The following ANO2 variants were observed in gnomAD, a reference collection of about 807,000 sequenced individuals.
ANO2 encodes anoctamin 2.
A neutral mutation model predicts 124.2 loss-of-function variants in ANO2; 101 were observed. That is an observed-to-expected ratio of 0.81 (90% CI 0.69 to 0.96). The LOEUF (loss-of-function observed/expected upper bound fraction) is 0.96, where lower values mean the gene tolerates loss of function less well. Among genes scored for constraint, ANO2 ranks in the 40% least tolerant of loss-of-function variants. The pLI, the probability that ANO2 is intolerant of heterozygous loss-of-function variation, is 0.00. For synonymous variants in ANO2, 486 were observed against 482.5 expected, an observed-to-expected ratio of 1.01 and a Z score of -0.09; for missense variants, 1,293 against 1,274.5, an observed-to-expected ratio of 1.01 and a Z score of -0.22.
Position 5,578,425 on chromosome 12 carries a change from T to A in ANO2, c.2327A>T (p.Asp776Val), listed in dbSNP as rs1942548865. Residue 776 changes from aspartate (D) to valine (V), a missense_variant, in exon 21 of 25, where the codon GAT becomes GTT. Asp to Val is a radical substitution (Grantham distance 152, BLOSUM62 -3). Coordinates refer to ENST00000682330, the MANE Select transcript of ANO2 (RefSeq NM_001364791.2). ...LLNNVIEVRLDAKKFVTELRR... is the reference protein window; with the variant it reads ...LLNNVIEVRLVAKKFVTELRR... ...CAGCTCTGTAACAAACTTCTTTGCA[T>A]CGAGCCGCACTTCAATGACGTTGTT... is the stretch of plus-strand genomic sequence containing the variant. 6.2e-7 allele frequency: 1 copy of A among 1,613,842 alleles called. No homozygotes were observed. Among genetic ancestry groups the A allele is most frequent in the Admixed American group, 1.7e-5 (1 of 59,998 alleles).
intron 20 of ANO2, among the ~76,000 whole-genome samples, chr12:5,583,640 G>A (rs576609953): frequency 6.0e-5 from 7 of 116,498 alleles, no homozygotes; most frequent in Admixed American, 3.6e-4. Context: ...GCTAAAGAGC[G>A]GGACTCCGTC....
chr12:5,787,906 C>T lies in ANO2; in HGVS notation c.1055+11601G>A, dbSNP rs149621782. On this transcript the variant is annotated intron_variant, in intron 10 of 24. Transcript: ENST00000682330. The surrounding 1 kb of genome is among the most constrained non-coding windows in gnomAD (Gnocchi z 4.2). ...GACCCAGCTGGACCATAGGTCCAGA[C>T]GTGCCCGAAACAGTCCCACCTTTTA... Among the ~76,000 whole-genome samples, 31 of 152,262 alleles carry T rather than the reference C, an allele frequency of 2.0e-4. 1 individual carries two copies. In the East Asian group the frequency reaches 5.6e-3, roughly 28 times the overall value.
At chr12:5,796,537 A>T (rs1952865141) in intron 10 of ANO2, among the ~76,000 whole-genome samples, 1 of 151,818 alleles carries the variant, frequency 6.6e-6, no homozygotes, top group African/African-American at 2.4e-5. Flanking sequence ...ACTCACACAC[A>T]CTAACACACA....
intron 3 of ANO2, among the ~76,000 whole-genome samples, chr12:5,868,834 T>A (rs1374960673): frequency 6.6e-6 from 1 of 152,086 alleles, no homozygotes; most frequent in Non-Finnish European, 1.5e-5. Context: ...AATCTGCAGA[T>A]GATAACAAAC....
chr12:5,919,996 A>G (rs751775873), intron 3 of ANO2, among the ~76,000 whole-genome samples: 4 of 151,516 alleles, frequency 2.6e-5, no homozygotes, highest in Non-Finnish European at 5.9e-5. Flanking sequence ...CGCGCCTGGC[A>G]AGGGAAGGTC....
chr12:5,892,948 A>G (rs1939510888), intron 3 of ANO2, among the ~76,000 whole-genome samples: 1 of 152,206 alleles, frequency 6.6e-6, no homozygotes, highest in Non-Finnish European at 1.5e-5. Flanking sequence ...TAGAGTTTTC[A>G]ATTTGTGTAA....
chr12:5,793,374 A>G (rs955018860), intron 10 of ANO2, among the ~76,000 whole-genome samples: 4 of 152,166 alleles, frequency 2.6e-5, no homozygotes, highest in Admixed American at 6.5e-5. Context: ...AGGGACAGCT[A>G]TCCAACTGTC....
At chr12:5,645,928 G>T (rs1168680635) in intron 15 of ANO2, among the ~76,000 whole-genome samples, 1 of 152,198 alleles carries the variant, frequency 6.6e-6, no homozygotes, top group Non-Finnish European at 1.5e-5. Flanking sequence ...AGCCACAGTA[G>T]GGATTGCCCC....
chr12:5,609,113 C>G (rs1944354740), intron 19 of ANO2: 1 of 152,204 alleles, frequency 6.6e-6, no homozygotes, highest in Non-Finnish European at 1.5e-5. Flanking sequence ...AATGATGTCT[C>G]TCTAAGATGG....
intron 1 of ANO2, among the ~76,000 whole-genome samples, chr12:5,939,377 T>C (rs1377704341): frequency 6.6e-6 from 1 of 152,160 alleles, no homozygotes; most frequent in East Asian, 1.9e-4. Flanking sequence ...ACCTGCTCAA[T>C]GAAACACCCA....
At chr12:5,752,112 T>A (rs763421984) in intron 10 of ANO2, among the ~76,000 whole-genome samples, 5 of 152,204 alleles carry the variant, frequency 3.3e-5, no homozygotes, top group African/African-American at 4.8e-5. Context: ...TCTTTATCCA[T>A]GCATCTGTCA....
intron 13 of ANO2, among the ~76,000 whole-genome samples, chr12:5,734,755 C>T (rs1010299945): frequency 6.6e-6 from 1 of 151,678 alleles, no homozygotes; most frequent in Non-Finnish European, 1.5e-5. Flanking sequence ...TCAAGCAATT[C>T]TCCTGCCTCA....
chr12:5,790,500 A>G (rs1952666444), intron 10 of ANO2, among the ~76,000 whole-genome samples: 1 of 151,972 alleles, frequency 6.6e-6, no homozygotes, highest in Non-Finnish European at 1.5e-5. Flanking sequence ...TTAAATCCCA[A>G]TCTTGTAAAT....
rs550317833 is a variant in ANO2 at position 5,930,915 on chromosome 12, T to C, written c.23-8111A>G. Among the ~76,000 whole-genome samples, 3 of 152,268 alleles carry C rather than the reference T, an allele frequency of 2.0e-5. No individual in the cohort carries two copies. In the South Asian group the frequency reaches 6.2e-4, roughly 32 times the overall value. ...CGCCTCCTGGGCTCTGCTTGTCTTA[T>C]AGCCTTGGCTCAGAATTAGCCCTCT... On this transcript the variant is annotated intron_variant, in intron 1 of 24. Transcript: ENST00000682330.
chr12:5,945,255 C>A lies in ANO2; in HGVS notation c.-38G>T. On this transcript the variant is annotated 5_prime_UTR_variant, in exon 1 of 25. Coordinates refer to ENST00000682330, the MANE Select transcript of ANO2 (RefSeq NM_001364791.2). ...GACCCCGCCGGCCCGCGGCCGCGCG[C>A]TTCTGGGCAGGCTTATGCCGCCGCG... 2 of 1,282,718 alleles carry A rather than the reference C, an allele frequency of 1.6e-6. No homozygotes were observed. The highest frequency in any genetic ancestry group is 3.0e-5 in the African/African-American group (2 of 65,660). 79.5% of individuals were successfully genotyped at this position (1,282,718 alleles called of 1,614,324 possible). A position where few individuals can be genotyped will look rare whatever the true frequency, so the allele number is the denominator to read the frequency against.
chr12:5,822,133 C>G (rs186898913), intron 7 of ANO2, among the ~76,000 whole-genome samples: 1 of 152,134 alleles, frequency 6.6e-6, no homozygotes, highest in African/African-American at 2.4e-5. Flanking sequence ...GTGGGCACTT[C>G]GAGTAGTGCA....
At chr12:5,682,395 C>G (rs1220883593) in intron 14 of ANO2, among the ~76,000 whole-genome samples, 1 of 152,152 alleles carries the variant, frequency 6.6e-6, no homozygotes. Context: ...CACCCCAGCT[C>G]TCTCAGGCTG....
intron 14 of ANO2, among the ~76,000 whole-genome samples, chr12:5,662,983 C>T (rs183812481): frequency 7.4e-4 from 112 of 152,338 alleles, no homozygotes; most frequent in Admixed American, 2.2e-3. Context: ...GGCCCTGACA[C>T]TTCCTGCAGA....
chr12:5,739,945 T>G lies in ANO2; in HGVS notation c.1352-546A>C, dbSNP rs1455169698. On this transcript the variant is annotated intron_variant, in intron 12 of 24. Coordinates refer to ENST00000682330, the MANE Select transcript of ANO2 (RefSeq NM_001364791.2). ...TTTCAGCCTTCCAACCCATCCTGCATGTAGCTGATAGAATAATCTCTGTAA... is the reference window on the plus strand; with the variant it reads ...TTTCAGCCTTCCAACCCATCCTGCAGGTAGCTGATAGAATAATCTCTGTAA... 6.6e-6 allele frequency: 3 copies of G among 456,184 alleles called. No individual in the cohort carries two copies. In the East Asian group the frequency reaches 2.1e-4, roughly 32 times the overall value. 28.3% of individuals were successfully genotyped at this position (456,184 alleles called of 1,614,324 possible).
Sources: gnomAD v4.1 joint callset for allele counts (sites outside exome capture counted in the v4.1 genomes callset) on GRCh38, gnomAD v4.1.1 for gene constraint, Gnocchi (gnomAD v3.1) non-coding constraint, MANE v1.5 for transcripts, NCBI Gene and HGNC (gene_info 2026-07-23, HGNC 2026-07-21) for gene names.